Variants in DOCK10 observed in about 807,000 individuals in gnomAD.
The protein encoded by DOCK10 is dedicator of cytokinesis protein 10.
Under a neutral mutation model 280.1 loss-of-function variants are expected in DOCK10, and 145 were observed. The observed-to-expected ratio is 0.52, with a 90% CI of 0.45 to 0.59. The LOEUF is 0.59. Ranked by LOEUF, DOCK10 falls within the 20% of genes least tolerant of loss-of-function variation. DOCK10 has a pLI of 0.00. For synonymous variants in DOCK10, 915 were observed against 942.2 expected, an observed-to-expected ratio of 0.97 and a Z score of 0.53; for missense variants, 2,368 against 2,651.7, an observed-to-expected ratio of 0.89 and a Z score of 2.35.
At chr2:224,939,649 A>G (rs569900826) in intron 1 of DOCK10, among the ~76,000 whole-genome samples, 2 of 152,172 alleles carry the variant, frequency 1.3e-5, no homozygotes, top group Non-Finnish European at 1.5e-5. Flanking sequence ...TAAACTGGAG[A>G]ATTTTAGATT....
At position 225,042,118 on chromosome 2, in the gene DOCK10, G is replaced by A. The variant is rs1690448831; in HGVS notation, c.123+134C>T. The A allele has an allele frequency of 1.9e-6, 2 of 1,070,950 alleles. No individual in the cohort carries two copies. The highest frequency in any genetic ancestry group is 4.4e-5 in the Admixed American group (1 of 22,624). 66.3% of individuals were successfully genotyped at this position (1,070,950 alleles called of 1,614,324 possible). The stretch of plus-strand genomic sequence containing the variant: ...CGCCGGGGGAGCCCGCAGAGGCGGC[G>A]GGGGAGGGAGTGCGGAGGAGAGGAC... On this transcript the variant is annotated intron_variant, in intron 1 of 55. Coordinates refer to ENST00000258390, the MANE Select transcript of DOCK10 (RefSeq NM_014689.3). This position sits in a 1 kb window ranked among gnomAD's most constrained non-coding sequence, Gnocchi z 5.1.
intron 1 of DOCK10, among the ~76,000 whole-genome samples, chr2:225,001,036 G>C (rs886821273): frequency 6.6e-6 from 1 of 152,178 alleles, no homozygotes; most frequent in Non-Finnish European, 1.5e-5. Flanking sequence ...TGTGTTAATT[G>C]GAGTTAAACT....
chr2:225,015,530 C>T (rs1180994275), intron 1 of DOCK10, among the ~76,000 whole-genome samples: 7 of 152,150 alleles, frequency 4.6e-5, no homozygotes, highest in Non-Finnish European at 1.0e-4. Context: ...CTGTGCCTCC[C>T]CACTCTCCAC....
At chr2:224,982,156 T>C in intron 1 of DOCK10, 1 of 1,211,988 alleles carries the variant, frequency 8.3e-7, no homozygotes, top group Admixed American at 4.2e-5. Flanking sequence ...TTGTAACCTC[T>C]CTATAATAAC....
chr2:224,959,344 C>A (rs553921887), intron 1 of DOCK10, among the ~76,000 whole-genome samples: 21 of 151,744 alleles, frequency 1.4e-4, no homozygotes, highest in Admixed American at 1.2e-3. Flanking sequence ...CTCTAAACTT[C>A]TATGTTTGTG....
At position 224,774,910 on chromosome 2, in the gene DOCK10, A is replaced by T; in HGVS notation, c.6008T>A (p.Leu2003Gln). Residue 2003 changes from leucine to glutamine, a missense_variant, in exon 52 of 56, where the codon CTG (leucine) becomes CAG (glutamine). Physicochemically the swap from Leu to Gln is moderately radical, Grantham distance 113. Transcript: ENST00000258390. ...GCCCGGCTACCTGCACCTACTTGTC[A>T]GGATCGTCCGCCGCTTGCACTGCTC... ...VAEQCKRRTI[L>Q]TTSHLFPYVK... 1 of 1,588,982 alleles carries T rather than the reference A, an allele frequency of 6.3e-7. No homozygotes were observed. The highest frequency in any genetic ancestry group is 8.6e-7 in the Non-Finnish European group (1 of 1,166,862).
intron 7 of DOCK10, among the ~76,000 whole-genome samples, chr2:224,881,595 C>G (rs974052711): frequency 3.3e-5 from 5 of 152,142 alleles, no homozygotes; most frequent in Non-Finnish European, 7.4e-5. Context: ...CTTTGCAATT[C>G]ATTAGCTCTG....
intron 1 of DOCK10, among the ~76,000 whole-genome samples, chr2:225,002,903 C>T (rs752199610): frequency 5.9e-5 from 9 of 152,208 alleles, no homozygotes; most frequent in Non-Finnish European, 1.2e-4. Context: ...TCGCTCAACA[C>T]TGCAGAACTG....
chr2:224,765,745 G>A lies in DOCK10; in HGVS notation c.6537C>T (p.Ser2179=), dbSNP rs763137370. The part of the protein sequence containing the change: ...SKATPALPTV[S]ISSSAEV ...CTCAGACTTCAGCACTAGATGAGAT[G>A]GAGACCGTGGGTAGGGCCGGAGTTG... is the stretch of plus-strand genomic sequence containing the variant. The change falls in exon 56 of 56, where the codon TCC becomes TCT. Residue 2179 remains serine (S), a synonymous_variant. Transcript: ENST00000258390. The A allele has an allele frequency of 1.2e-5, 19 of 1,613,730 alleles. No homozygotes were observed. Among genetic ancestry groups the A allele is most frequent in the Non-Finnish European group, 1.5e-5 (18 of 1,179,788 alleles).
intron 37 of DOCK10, 75 bp downstream of exon 37, chr2:224,804,983 G>T: frequency 7.3e-7 from 1 of 1,372,396 alleles, no homozygotes; most frequent in African/African-American, 1.5e-5. Context: ...ATGGGTTCTT[G>T]AAATGAAACA....
chr2:224,769,059 T>C (rs991607626), intron 55 of DOCK10: 2 of 390,786 alleles, frequency 5.1e-6, no homozygotes, highest in African/African-American at 4.2e-5. Flanking sequence ...AGATCCATCA[T>C]TTGTTCTTTT....
chr2:224,955,875 G>T (rs1424795037), intron 1 of DOCK10, among the ~76,000 whole-genome samples: 1 of 152,172 alleles, frequency 6.6e-6, no homozygotes, highest in African/African-American at 2.4e-5. Context: ...ACAAGAATTG[G>T]ATACCTCTCA....
intron 1 of DOCK10, among the ~76,000 whole-genome samples, chr2:224,942,852 TGACC>T (rs199701411): frequency 0.02 from 2,999 of 152,314 alleles, 94 homozygotes; most frequent in African/African-American, 0.068. Context: ...TGCAGATTAA[TGACC>T]CATAAACCAG....
intron 1 of DOCK10, among the ~76,000 whole-genome samples, chr2:225,019,455 T>TA (rs1035563593): frequency 6.6e-6 from 1 of 151,266 alleles, no homozygotes; most frequent in Non-Finnish European, 1.5e-5. Context: ...CTTTTTTTTT[T>TA]TTTTTTCCTG....
chr2:224,794,191 A>T (rs1290303736), intron 45 of DOCK10, among the ~76,000 whole-genome samples: 1 of 152,312 alleles, frequency 6.6e-6, no homozygotes, highest in African/African-American at 2.4e-5. Flanking sequence ...AGAGTCCCTG[A>T]TTACCACATG....
intron 40 of DOCK10, among the ~76,000 whole-genome samples, chr2:224,800,506 C>T (rs528233796): frequency 8.5e-5 from 13 of 152,148 alleles, no homozygotes; most frequent in African/African-American, 2.4e-4. Flanking sequence ...AGTTCTTTTC[C>T]GTTAATTTGG....
At chr2:224,985,974 G>T (rs550796500) in intron 1 of DOCK10, among the ~76,000 whole-genome samples, 1 of 152,184 alleles carries the variant, frequency 6.6e-6, no homozygotes, top group Non-Finnish European at 1.5e-5. Flanking sequence ...TGTAAGAGCC[G>T]TGTGTCTAAA....
chr2:224,952,273 C>T (rs1476531662), intron 1 of DOCK10, among the ~76,000 whole-genome samples: 1 of 152,178 alleles, frequency 6.6e-6, no homozygotes, highest in African/African-American at 2.4e-5. Context: ...TTAATTTTAA[C>T]ATCAAGGATG....
At chr2:224,867,670 A>T (rs1199082972) in intron 11 of DOCK10, among the ~76,000 whole-genome samples, 1 of 152,246 alleles carries the variant, frequency 6.6e-6, no homozygotes, top group African/African-American at 2.4e-5. Flanking sequence ...AAGACATCAA[A>T]GAGCACAGGA....
Sources: allele counts gnomAD v4.1 joint callset (sites outside exome capture counted in the v4.1 genomes callset), GRCh38; gene constraint gnomAD v4.1.1; non-coding constraint Gnocchi (gnomAD v3.1); transcripts MANE v1.5; gene names NCBI Gene and HGNC (gene_info 2026-07-23, HGNC 2026-07-21).